Variants in DCT observed in about 807,000 individuals in gnomAD.
DCT encodes L-dopachrome tautomerase.
Under a neutral mutation model 53.0 loss-of-function variants are expected in DCT, and 47 were observed. That is an observed-to-expected ratio of 0.89 (90% CI 0.70 to 1.13). DCT has a LOEUF of 1.13. Among genes scored for constraint, DCT ranks in the 50% most tolerant of loss-of-function variants. DCT has a pLI of 0.00. For missense variants in DCT, 669 were observed against 637.4 expected, an observed-to-expected ratio of 1.05 and a Z score of -0.53; for synonymous variants, 244 against 237.0, an observed-to-expected ratio of 1.03 and a Z score of -0.27.
At position 94,479,354 on chromosome 13, in the gene DCT, AT is replaced by A; in HGVS notation, c.-100del. ...ACTCTTTCAGTCTTTTCTTTTCAGT[AT>A]TTTTTATTTTTCTTTGCTTTCTATT... On this transcript the variant is annotated 5_prime_UTR_variant, in exon 1 of 8. Coordinates refer to ENST00000377028, the MANE Select transcript of DCT (RefSeq NM_001922.5). 2 of 1,143,964 alleles carry A rather than the reference AT, an allele frequency of 1.7e-6. No homozygotes were observed. Among genetic ancestry groups the A allele is most frequent in the Non-Finnish European group, 2.4e-6 (2 of 825,854 alleles). 70.9% of individuals were successfully genotyped at this position (1,143,964 alleles called of 1,614,324 possible).
intron 6 of DCT, among the ~76,000 whole-genome samples, chr13:94,458,668 G>A (rs757802870): frequency 6.6e-6 from 1 of 151,874 alleles, no homozygotes; most frequent in East Asian, 2.0e-4. Flanking sequence ...CGGGCGTGGT[G>A]GCGTGCAACT....
chr13:94,544,569 G>A, the DCT span, among the ~76,000 whole-genome samples: 690 of 152,270 alleles, frequency 4.5e-3, 3 homozygotes, highest in Non-Finnish European at 7.2e-3. Context: ...GTGGGCCCTC[G>A]CCTAAGCAGG....
the DCT span, among the ~76,000 whole-genome samples, chr13:94,513,110 G>A: frequency 2.0e-5 from 3 of 152,238 alleles, no homozygotes; most frequent in Admixed American, 6.5e-5. Flanking sequence ...CATTTCTCCT[G>A]ATTCACGTCT....
At chr13:94,492,278 C>G in the DCT span, among the ~76,000 whole-genome samples, 1 of 152,186 alleles carries the variant, frequency 6.6e-6, no homozygotes, top group Admixed American at 6.5e-5. Context: ...ATCCAGGTGG[C>G]CTCTTGAATC....
At chr13:94,470,994 C>T (rs924075296) in intron 1 of DCT, among the ~76,000 whole-genome samples, 1 of 152,226 alleles carries the variant, frequency 6.6e-6, no homozygotes, top group Non-Finnish European at 1.5e-5. Context: ...ATGCCACATA[C>T]ATTTTCTCTC....
In DCT at chr13:94,468,902, G is replaced by A. The variant is rs780595187; in HGVS notation, c.439C>T (p.Leu147Phe). 1 of 1,614,180 alleles carries A rather than the reference G, an allele frequency of 6.2e-7. No individual in the cohort carries two copies. The highest frequency in any genetic ancestry group is 8.5e-7 in the Non-Finnish European group (1 of 1,180,026). Residue 147 changes from leucine (L) to phenylalanine (F), a missense_variant, in exon 2 of 8, where the codon CTC becomes TTC. Transcript: ENST00000377028. ...EREQFLGALDLAKKRVHPDYV... is the reference protein window; with the variant it reads ...EREQFLGALDFAKKRVHPDYV... The stretch of plus-strand genomic sequence containing the variant: ...TCGGGGTGTACTCTCTTCTTCGCGA[G>A]ATCTAAGGCGCCCAAGAACTGCTCT...
chr13:94,522,803 T>C, the DCT span, among the ~76,000 whole-genome samples: 1 of 152,188 alleles, frequency 6.6e-6, no homozygotes, highest in Admixed American at 6.5e-5. Context: ...AAGAGTCTTA[T>C]TTAGCAAAGG....
Position 94,468,952 on chromosome 13 carries a change from A to G in DCT, c.389T>C (p.Ile130Thr), listed in dbSNP as rs769611508. 4 of 1,614,054 alleles carry G rather than the reference A, an allele frequency of 2.5e-6. No individual in the cohort carries two copies. The highest frequency in any genetic ancestry group is 1.6e-4 in the Middle Eastern group (1 of 6,062). ...TCTTTCCTGAGGACTCAAGGAATGG[A>G]TGTTCTGCCGAATCACTGGTGGTTT... ...RKKPPVIRQN[I>T]HSLSPQEREQ... Residue 130 changes from isoleucine (I) to threonine (T), a missense_variant, in exon 2 of 8, where the codon ATC becomes ACC. Coordinates refer to ENST00000377028, the MANE Select transcript of DCT (RefSeq NM_001922.5).
chr13:94,482,121 G>A (rs764535928), upstream of DCT, among the ~76,000 whole-genome samples: 7 of 152,208 alleles, frequency 4.6e-5, no homozygotes, highest in South Asian at 2.1e-4. Flanking sequence ...GGGAGAGTCC[G>A]GCTGTGAGGT....
the DCT span, among the ~76,000 whole-genome samples, chr13:94,520,809 G>A: frequency 2.6e-5 from 4 of 152,164 alleles, no homozygotes; most frequent in African/African-American, 9.7e-5. Flanking sequence ...CTGGGACCAA[G>A]TTTATACCTT....
At chr13:94,442,907 T>G (rs918902419) in intron 7 of DCT, among the ~76,000 whole-genome samples, 4 of 152,218 alleles carry the variant, frequency 2.6e-5, no homozygotes, top group Admixed American at 1.3e-4. Flanking sequence ...AATTTTGACT[T>G]TCCAAAATTT....
chr13:94,505,581 C>T, the DCT span, among the ~76,000 whole-genome samples: 3 of 152,268 alleles, frequency 2.0e-5, no homozygotes, highest in Non-Finnish European at 2.9e-5. Flanking sequence ...TTTTCCTTTT[C>T]GGCCATGGAG....
At chr13:94,443,393 T>C (rs1203941977) in intron 7 of DCT, 43 bp downstream of exon 7, 5 of 1,429,348 alleles carry the variant, frequency 3.5e-6, no homozygotes, top group African/African-American at 1.4e-5. Flanking sequence ...CTAGCTTCTT[T>C]AGAAGATGAA....
At chr13:94,504,960 CTT>C in the DCT span, among the ~76,000 whole-genome samples, 806 of 152,104 alleles carry the variant, frequency 5.3e-3, 5 homozygotes, top group African/African-American at 0.018. Context: ...CCTCTAGTCT[CTT>C]TGTCACATCA....
intron 6 of DCT, among the ~76,000 whole-genome samples, chr13:94,454,632 T>C (rs1399160525): frequency 6.6e-6 from 1 of 152,212 alleles, no homozygotes; most frequent in Non-Finnish European, 1.5e-5. Context: ...TACAATTTTG[T>C]AGCTCTATTG....
intron 1 of DCT, among the ~76,000 whole-genome samples, chr13:94,477,660 T>TTA (rs530207087): frequency 6.6e-6 from 1 of 150,826 alleles, no homozygotes; most frequent in African/African-American, 2.4e-5. Flanking sequence ...AAGTTAAAAT[T>TTA]AAAAAAAAAA....
intron 6 of DCT, 70 bp from the exon 7 acceptor site, chr13:94,443,707 T>C (rs1332993766): frequency 6.3e-6 from 8 of 1,270,350 alleles, no homozygotes; most frequent in Non-Finnish European, 9.0e-6. Context: ...TGACTGTTGC[T>C]TTCTCTAAAG....
At chr13:94,537,016 C>A in the DCT span, among the ~76,000 whole-genome samples, 1 of 152,176 alleles carries the variant, frequency 6.6e-6, no homozygotes, top group East Asian at 1.9e-4. Flanking sequence ...GTTTGCCCAG[C>A]CTGCAGAACC....
intron 7 of DCT, among the ~76,000 whole-genome samples, chr13:94,442,864 A>G (rs963098911): frequency 1.3e-5 from 2 of 152,298 alleles, no homozygotes; most frequent in Non-Finnish European, 2.9e-5. Context: ...TAAAATTTTG[A>G]TGATGTATTA....
Sources: gnomAD v4.1 joint callset for allele counts (sites outside exome capture counted in the v4.1 genomes callset) on GRCh38, gnomAD v4.1.1 for gene constraint, MANE v1.5 for transcripts, NCBI Gene and HGNC (gene_info 2026-07-23, HGNC 2026-07-21) for gene names.